ADAMTS17: variants seen among roughly 807,000 people sequenced by gnomAD.
ADAMTS17 encodes A disintegrin and metalloproteinase with thrombospondin motifs 17.
A neutral mutation model predicts 141.5 loss-of-function variants in ADAMTS17; 113 were observed. The ratio of observed to expected loss-of-function variants is 0.80; its 90% CI spans 0.69 to 0.93. ADAMTS17 has a LOEUF of 0.93. ADAMTS17 is among the 40% of genes least tolerant of loss of function. The probability of loss-of-function intolerance (pLI) is 0.00; values close to 1 mark genes in which losing one functional copy is unlikely to be tolerated. For synonymous variants in ADAMTS17, 768 were observed against 630.6 expected (o/e 1.22, Z -3.27); for missense variants, 1,659 against 1,517.9 (o/e 1.09, Z -1.54).
At chr15:100,239,443 G>T (rs139584875) in intron 7 of ADAMTS17, among the ~76,000 whole-genome samples, 6 of 151,998 alleles carry the variant, frequency 3.9e-5, no homozygotes, top group African/African-American at 1.5e-4. Flanking sequence ...ACGCTCTTCA[G>T]CTCTCCAAGG....
chr15:99,978,138 G>T (rs998712668), intron 20 of ADAMTS17, among the ~76,000 whole-genome samples: 1 of 152,190 alleles, frequency 6.6e-6, no homozygotes, highest in Non-Finnish European at 1.5e-5. Context: ...CCTTGCTGGA[G>T]AAAGGACCTT....
intron 14 of ADAMTS17, among the ~76,000 whole-genome samples, chr15:100,103,059 G>A (rs1317023992): frequency 6.6e-6 from 1 of 152,174 alleles, no homozygotes; most frequent in Non-Finnish European, 1.5e-5. Context: ...TCACCTGGAA[G>A]CTCCTGCTTC....
chr15:100,016,067 C>T (rs111733030), intron 18 of ADAMTS17, among the ~76,000 whole-genome samples: 11,846 of 152,122 alleles, frequency 0.078, 1,186 homozygotes, highest in African/African-American at 0.24. Flanking sequence ...CATACTTTCT[C>T]ATTCTTGTCT....
chr15:100,137,465 T>C (rs1596531272), intron 10 of ADAMTS17, among the ~76,000 whole-genome samples: 1 of 151,398 alleles, frequency 6.6e-6, no homozygotes, highest in Non-Finnish European at 1.5e-5. Flanking sequence ...GTGGAAGGAG[T>C]GAAAGGGTGG....
At chr15:100,230,214 T>C (rs2042435087) in intron 7 of ADAMTS17, among the ~76,000 whole-genome samples, 2 of 152,240 alleles carry the variant, frequency 1.3e-5, no homozygotes, top group Admixed American at 1.3e-4. Flanking sequence ...ACGTCACGAA[T>C]GACACCCGCG....
chr15:100,221,127 G>A (rs867201594), intron 7 of ADAMTS17, among the ~76,000 whole-genome samples: 18 of 152,136 alleles, frequency 1.2e-4, no homozygotes, highest in East Asian at 7.7e-4. Flanking sequence ...CCAGTTTGAC[G>A]GGCAAACGCT....
intron 7 of ADAMTS17, among the ~76,000 whole-genome samples, chr15:100,249,508 T>C (rs2043087223): frequency 6.6e-6 from 1 of 152,178 alleles, no homozygotes; most frequent in Non-Finnish European, 1.5e-5. Context: ...GACCCTGGGC[T>C]GTTGGGGGGA....
chr15:100,184,785 G>A (rs959920434), intron 8 of ADAMTS17, among the ~76,000 whole-genome samples: 4 of 152,102 alleles, frequency 2.6e-5, no homozygotes, highest in East Asian at 1.9e-4. Context: ...CAGACTTCCC[G>A]TAGCCCCCTG....
At chr15:100,280,842 C>T (rs150239079) in intron 4 of ADAMTS17, among the ~76,000 whole-genome samples, 1 of 152,194 alleles carries the variant, frequency 6.6e-6, no homozygotes, top group South Asian at 2.1e-4. Context: ...ACACAGTAAG[C>T]TCTTTTTCCC....
chr15:100,281,061 C>A (rs1424383911), intron 4 of ADAMTS17, among the ~76,000 whole-genome samples, 168 bp downstream of exon 4: 4 of 152,188 alleles, frequency 2.6e-5, no homozygotes, highest in Non-Finnish European at 5.9e-5. Flanking sequence ...TCGGGATGTC[C>A]CCCAGTTACT....
At chr15:100,338,490 AC>A (rs1204442109) in intron 2 of ADAMTS17, among the ~76,000 whole-genome samples, 2 of 152,238 alleles carry the variant, frequency 1.3e-5, no homozygotes, top group African/African-American at 2.4e-5. Context: ...GAACGTGGCC[AC>A]ATCCATTCGC....
chr15:100,007,045 C>T (rs2573663), intron 18 of ADAMTS17, among the ~76,000 whole-genome samples: 10,125 of 152,216 alleles, frequency 0.067, 993 homozygotes, highest in African/African-American at 0.21. Context: ...CTCAGTTTCC[C>T]CACCTTCACA....
At chr15:100,216,186 T>G (rs2041963306) in intron 7 of ADAMTS17, among the ~76,000 whole-genome samples, 1 of 152,230 alleles carries the variant, frequency 6.6e-6, no homozygotes, top group Non-Finnish European at 1.5e-5. Flanking sequence ...AATTGAGGAT[T>G]AAATGAATAA....
intron 15 of ADAMTS17, among the ~76,000 whole-genome samples, chr15:100,080,930 C>T (rs1174419448): frequency 6.6e-6 from 1 of 152,102 alleles, no homozygotes; most frequent in Non-Finnish European, 1.5e-5. Context: ...TGTGTGTTCT[C>T]AGGAGATGTG....
At chr15:100,069,542 C>A (rs1596340853) in intron 15 of ADAMTS17, among the ~76,000 whole-genome samples, 1 of 152,292 alleles carries the variant, frequency 6.6e-6, no homozygotes, top group Middle Eastern at 3.4e-3. Context: ...AACAGTGGAT[C>A]TCTTGGCAGA....
At chr15:100,102,499 G>T (rs574010559) in intron 14 of ADAMTS17, among the ~76,000 whole-genome samples, 39 of 108,408 alleles carry the variant, frequency 3.6e-4, no homozygotes, top group Non-Finnish European at 5.0e-4. Flanking sequence ...ACATTTGAGG[G>T]CCGACCGAAG....
chr15:100,250,457 T>C (rs192115641), intron 7 of ADAMTS17, among the ~76,000 whole-genome samples: 7 of 152,176 alleles, frequency 4.6e-5, no homozygotes, highest in African/African-American at 1.7e-4. Context: ...TTCTGCGCAA[T>C]CAAAACAAAA....
At chr15:100,326,736 C>T (rs1484699588) in intron 3 of ADAMTS17, among the ~76,000 whole-genome samples, 2 of 152,130 alleles carry the variant, frequency 1.3e-5, no homozygotes, top group Admixed American at 1.3e-4. Flanking sequence ...CAGCTAGTGG[C>T]AAACCCAATC....
At chr15:100,146,777 G>C (rs2038926751) in intron 10 of ADAMTS17, among the ~76,000 whole-genome samples, 1 of 33,468 alleles carries the variant, frequency 3.0e-5, no homozygotes, top group Non-Finnish European at 9.7e-5. Context: ...TGGGGGTATA[G>C]GTCTATAGAT....
Sources: gnomAD v4.1 joint callset for allele counts (sites outside exome capture counted in the v4.1 genomes callset) on GRCh38, gnomAD v4.1.1 for gene constraint, MANE v1.5 for transcripts, NCBI Gene and HGNC (gene_info 2026-07-23, HGNC 2026-07-21) for gene names.